Variants in MAP7 observed in about 807,000 individuals in gnomAD.
The protein encoded by MAP7 is ensconsin.
A neutral mutation model predicts 94.8 loss-of-function variants in MAP7; 52 were observed. The observed-to-expected ratio is 0.55, with a 90% CI of 0.44 to 0.69. MAP7 has a LOEUF of 0.69. Ranked by LOEUF, MAP7 falls within the 30% of genes least tolerant of loss-of-function variation. The probability of loss-of-function intolerance (pLI) is 0.00; values close to 1 mark genes in which losing one functional copy is unlikely to be tolerated. For missense variants in MAP7, 940 were observed against 964.6 expected (o/e 0.97, Z 0.34); for synonymous variants, 350 against 357.0 (o/e 0.98, Z 0.22).
chr6:136,463,225 T>C (rs1184127533), intron 1 of MAP7, among the ~76,000 whole-genome samples: 1 of 152,150 alleles, frequency 6.6e-6, no homozygotes, highest in African/African-American at 2.4e-5. Flanking sequence ...AGAAATACAA[T>C]TTTCATTTAT....
chr6:136,457,086 A>C (rs1427046826), intron 1 of MAP7, among the ~76,000 whole-genome samples: 3 of 151,762 alleles, frequency 2.0e-5, no homozygotes, highest in Non-Finnish European at 4.4e-5. Flanking sequence ...CTCAAACAAA[A>C]AAAAATCAGA....
intron 1 of MAP7, among the ~76,000 whole-genome samples, chr6:136,539,107 G>A (rs530697040): frequency 5.3e-5 from 8 of 152,218 alleles, no homozygotes; most frequent in South Asian, 2.1e-4. Context: ...TGTGCCCATC[G>A]TTTCACAGTA....
chr6:136,351,981 G>T (rs771948582), intron 16 of MAP7, among the ~76,000 whole-genome samples: 4 of 152,076 alleles, frequency 2.6e-5, no homozygotes, highest in African/African-American at 4.8e-5. Flanking sequence ...GTGCTTCTGG[G>T]GAGACAGTGA....
chr6:136,478,881 G>A (rs1328446308), intron 1 of MAP7, among the ~76,000 whole-genome samples: 2 of 149,834 alleles, frequency 1.3e-5, no homozygotes, highest in Non-Finnish European at 3.0e-5. Context: ...AAGAACTAAT[G>A]CTAATCCTAC....
Position 136,365,910 on chromosome 6 carries a change from G to A in MAP7, c.1098C>T (p.Pro366=), listed in dbSNP as rs767941224. 17 of 1,614,004 alleles carry A rather than the reference G, an allele frequency of 1.1e-5. No individual in the cohort carries two copies. Among genetic ancestry groups the A allele is most frequent in the Middle Eastern group, 3.3e-4 (2 of 6,078 alleles). Residue 366 remains proline (P), a synonymous_variant, in exon 10 of 18, where the codon CCC becomes CCT. Coordinates refer to ENST00000354570, the MANE Select transcript of MAP7 (RefSeq NM_003980.6). ...CCCTCTTGACAGGGCGGATGTTGCC[G>A]GGGGATGGGGGCCGGACCTGAGCAG... is the stretch of plus-strand genomic sequence containing the variant. The part of the protein sequence containing the change: ...AAPAQVRPPS[P]GNIRPVKREV...
chr6:136,398,590 G>C (rs1190825749), intron 3 of MAP7, among the ~76,000 whole-genome samples: 2 of 152,140 alleles, frequency 1.3e-5, no homozygotes, highest in African/African-American at 2.4e-5. Context: ...TTGTGGTAGT[G>C]AATAAGTCTC....
At chr6:136,419,298 C>T (rs1790495181) in intron 2 of MAP7, among the ~76,000 whole-genome samples, 1 of 152,096 alleles carries the variant, frequency 6.6e-6, no homozygotes, top group East Asian at 1.9e-4. Flanking sequence ...ATAAACTGCA[C>T]AGTAAAAGAA....
chr6:136,420,146 T>C (rs1284077760), intron 2 of MAP7: 1 of 904,300 alleles, frequency 1.1e-6, no homozygotes, highest in South Asian at 1.3e-5. Context: ...GAAGAAAGTA[T>C]TTTTGGCACC....
chr6:136,523,165 A>C (rs760776470), intron 1 of MAP7, among the ~76,000 whole-genome samples: 1 of 152,262 alleles, frequency 6.6e-6, no homozygotes, highest in Non-Finnish European at 1.5e-5. Flanking sequence ...TAAGTGGAAA[A>C]GGTAAAATGA....
At chr6:136,394,498 T>C (rs1182556939) in intron 3 of MAP7, among the ~76,000 whole-genome samples, 3 of 152,186 alleles carry the variant, frequency 2.0e-5, no homozygotes, top group East Asian at 1.9e-4. Context: ...TTTTGATATA[T>C]GCATACAGTA....
chr6:136,414,808 A>ATT lies in MAP7; in HGVS notation c.167-3113_167-3112dup, dbSNP rs550449278. 2.4e-3 allele frequency among the ~76,000 whole-genome samples: 300 copies of ATT among 123,250 alleles called. 2 individuals are homozygous for ATT. Among genetic ancestry groups the ATT allele is most frequent in the African/African-American group, 7.6e-3 (243 of 32,128 alleles). 80.9% of individuals were successfully genotyped at this position (123,250 alleles called of 152,430 possible). A position where few individuals can be genotyped will look rare whatever the true frequency, so the allele number is the denominator to read the frequency against. On this transcript the variant is annotated intron_variant, in intron 2 of 17. Transcript: ENST00000354570. ...AGGTGTGCACAACCACAATCAGCTAATTTTTTTTTTTTTTTTTTTTGAGAC... is the reference window on the plus strand; with the variant it reads ...AGGTGTGCACAACCACAATCAGCTAATTTTTTTTTTTTTTTTTTTTTTGAGAC...
chr6:136,537,078 G>A (rs1375958611), intron 1 of MAP7, among the ~76,000 whole-genome samples: 3 of 152,004 alleles, frequency 2.0e-5, no homozygotes, highest in Non-Finnish European at 4.4e-5. Context: ...ATGACATGTG[G>A]GTCTCATCAC....
intron 9 of MAP7, 141 bp downstream of exon 9, chr6:136,366,186 T>C (rs1794276181): frequency 9.8e-7 from 1 of 1,022,154 alleles, no homozygotes; most frequent in Non-Finnish European, 1.4e-6. Context: ...TTCCAATTTC[T>C]CTTTTTTCTT....
chr6:136,359,764 A>G, intron 15 of MAP7, 56 bp downstream of exon 15: 1 of 1,495,020 alleles, frequency 6.7e-7, no homozygotes, highest in Non-Finnish European at 9.2e-7. Flanking sequence ...TCACCCCTGG[A>G]GAGTCAATTT....
chr6:136,442,785 C>A (rs9385759), intron 1 of MAP7, among the ~76,000 whole-genome samples: 5,904 of 152,246 alleles, frequency 0.039, 240 homozygotes, highest in East Asian at 0.093. Flanking sequence ...TGGGCTTCAG[C>A]CATCCCCTAG....
chr6:136,415,165 T>A (rs1329161714), intron 2 of MAP7, among the ~76,000 whole-genome samples: 1 of 151,808 alleles, frequency 6.6e-6, no homozygotes, highest in Non-Finnish European at 1.5e-5. Context: ...CTAAGCCTGG[T>A]CTTGAACTCC....
intron 1 of MAP7, chr6:136,466,814 A>G (rs1329060999): frequency 6.5e-7 from 1 of 1,534,378 alleles, no homozygotes; most frequent in African/African-American, 1.4e-5. Flanking sequence ...ATATCCTGCA[A>G]CATATCTGCA....
chr6:136,360,106 A>C, intron 13 of MAP7, 75 bp from the exon 14 acceptor site: 1 of 1,146,942 alleles, frequency 8.7e-7, no homozygotes. Context: ...AACTGATGAA[A>C]TAGATTATTT....
chr6:136,480,486 C>CA (rs1812404581), intron 1 of MAP7, among the ~76,000 whole-genome samples: 1 of 151,558 alleles, frequency 6.6e-6, no homozygotes, highest in Admixed American at 6.6e-5. Flanking sequence ...ACTAAAAATA[C>CA]AAACAATTAG....
Sources: gnomAD v4.1 joint callset for allele counts (sites outside exome capture counted in the v4.1 genomes callset) on GRCh38, gnomAD v4.1.1 for gene constraint, MANE v1.5 for transcripts, NCBI Gene and HGNC (gene_info 2026-07-23, HGNC 2026-07-21) for gene names.